The following NFIB variants were observed in gnomAD, a reference collection of about 807,000 sequenced individuals.
NFIB encodes the protein nuclear factor I B.
Under a neutral mutation model 61.5 loss-of-function variants are expected in NFIB, and 11 were observed. The ratio of observed to expected loss-of-function variants is 0.18; its 90% CI spans 0.11 to 0.30. NFIB has a LOEUF of 0.30. Ranked by LOEUF, NFIB falls within the 10% of genes least tolerant of loss-of-function variation. NFIB has a pLI of 1.00. For synonymous variants in NFIB, 260 were observed against 216.5 expected (o/e 1.20, Z -1.76); for missense variants, 471 against 608.9 (o/e 0.77, Z 2.38).
intron 2 of NFIB, among the ~76,000 whole-genome samples, chr9:14,189,625 T>C (rs964710760): frequency 1.3e-5 from 2 of 151,332 alleles, no homozygotes; most frequent in African/African-American, 2.4e-5. Flanking sequence ...CCCACCTACT[T>C]GGTTGCACTG....
the NFIB span, among the ~76,000 whole-genome samples, chr9:14,427,701 C>T: frequency 7.9e-5 from 12 of 151,872 alleles, no homozygotes; most frequent in Non-Finnish European, 1.2e-4. Context: ...ATGGATGGGA[C>T]GGGGAATGTG....
At chr9:14,237,360 C>T (rs1414428589) in intron 2 of NFIB, among the ~76,000 whole-genome samples, 1 of 152,204 alleles carries the variant, frequency 6.6e-6, no homozygotes, top group African/African-American at 2.4e-5. Flanking sequence ...TAGCCCTCTT[C>T]TCATCCATCT....
chr9:14,423,639 C>T, the NFIB span, among the ~76,000 whole-genome samples: 1 of 152,148 alleles, frequency 6.6e-6, no homozygotes, highest in Admixed American at 6.5e-5. Flanking sequence ...TCATCTATGT[C>T]CCTTGAGTTT....
At chr9:14,394,552 A>C (rs2061660504) in intron 1 of NFIB, among the ~76,000 whole-genome samples, 1 of 152,182 alleles carries the variant, frequency 6.6e-6, no homozygotes, top group African/African-American at 2.4e-5. Context: ...CATATTCACT[A>C]CCATAAGAAC....
intron 6 of NFIB, among the ~76,000 whole-genome samples, chr9:14,128,210 T>C (rs1214436892): frequency 1.3e-5 from 2 of 152,292 alleles, no homozygotes; most frequent in East Asian, 3.9e-4. Context: ...TTTCTTGTTA[T>C]AGATGATGCA....
At chr9:14,284,619 G>A (rs1316591838) in intron 2 of NFIB, among the ~76,000 whole-genome samples, 1 of 152,102 alleles carries the variant, frequency 6.6e-6, no homozygotes, top group African/African-American at 2.4e-5. Flanking sequence ...TACGTTCTTT[G>A]TTCATCTATT....
chr9:14,286,257 T>C (rs1289369885), intron 2 of NFIB, among the ~76,000 whole-genome samples: 2 of 152,222 alleles, frequency 1.3e-5, no homozygotes, highest in Non-Finnish European at 2.9e-5. Flanking sequence ...CAGTTCTTGC[T>C]TACTCACTTT....
chr9:14,443,025 A>ACCCCCCCCCCCCCCCCCCCCC, the NFIB span, among the ~76,000 whole-genome samples: 1 of 116,524 alleles, frequency 8.6e-6, no homozygotes, highest in African/African-American at 3.2e-5. Context: ...ATCTAACCCA[A>ACCCCCCCCCCCCCCCCCCCCC]CCCCCCACCC....
chr9:14,404,249 A>T, the NFIB span, among the ~76,000 whole-genome samples: 2 of 152,220 alleles, frequency 1.3e-5, no homozygotes, highest in Admixed American at 6.5e-5. Flanking sequence ...TGCAAGAAGG[A>T]ACAGAAGCAT....
Position 14,313,907 on chromosome 9 carries a change from G to A in NFIB, c.-396C>T. ...CGAAGGTTCGGTGTGGGTTGGATTG[G>A]GGTGGTGGTTGGTGGTAAAATGCTT... is the stretch of plus-strand genomic sequence containing the variant. On this transcript the variant is annotated 5_prime_UTR_variant, in exon 1 of 11. Transcript: ENST00000380953. The surrounding 1 kb of genome is among the most constrained non-coding windows in gnomAD (Gnocchi z 4.5). 9.3e-7 allele frequency: 1 copy of A among 1,071,566 alleles called. No homozygotes were observed. Among genetic ancestry groups the A allele is most frequent in the Non-Finnish European group, 1.1e-6 (1 of 884,596 alleles). The allele number at this position is 1,071,566 out of a possible 1,614,324, so 66.4% of individuals were successfully genotyped here. A position where few individuals can be genotyped will look rare whatever the true frequency, so the allele number is the denominator to read the frequency against.
the NFIB span, among the ~76,000 whole-genome samples, chr9:14,452,253 C>CA: frequency 6.6e-6 from 1 of 151,960 alleles, no homozygotes; most frequent in Admixed American, 6.6e-5. Flanking sequence ...TAAAATTCCC[C>CA]AAGCAGTTTT....
the NFIB span, among the ~76,000 whole-genome samples, chr9:14,520,945 G>T: frequency 6.6e-6 from 1 of 152,142 alleles, no homozygotes; most frequent in Non-Finnish European, 1.5e-5. Context: ...GAGGTTAAAT[G>T]GCTCGCTTAT....
chr9:14,285,258 G>C (rs1000379604), intron 2 of NFIB, among the ~76,000 whole-genome samples: 1 of 152,112 alleles, frequency 6.6e-6, no homozygotes, highest in African/African-American at 2.4e-5. Flanking sequence ...GAGTAGCTGG[G>C]ATTATAGGTG....
chr9:14,305,709 A>T (rs2059981975), intron 2 of NFIB: 1 of 215,886 alleles, frequency 4.6e-6, no homozygotes, highest in Non-Finnish European at 9.0e-6. Context: ...GACAAAAAGC[A>T]CATAGTGAGG....
At chr9:14,118,194 G>C (rs748162) in intron 8 of NFIB, among the ~76,000 whole-genome samples, 3,064 of 152,100 alleles carry the variant, frequency 0.02, 94 homozygotes, top group African/African-American at 0.07. Flanking sequence ...CTGGTTATCT[G>C]AACACTGGAA....
chr9:14,195,339 C>T lies in NFIB; in HGVS notation c.563-15559G>A, dbSNP rs2048361184. On this transcript the variant is annotated intron_variant, in intron 2 of 10. Coordinates refer to ENST00000380953, the MANE Select transcript of NFIB (RefSeq NM_001190737.2). Reference sequence around the variant, plus strand: ...CCTGTGGTGCTTTTAGGAAATAATGCTTGTCATTTTCCATCTTATTGACAA... The same window carrying T: ...CCTGTGGTGCTTTTAGGAAATAATGTTTGTCATTTTCCATCTTATTGACAA... 2.6e-5 allele frequency among the ~76,000 whole-genome samples: 4 copies of T among 152,090 alleles called. No individual in the cohort carries two copies. The South Asian group carries it at 6.2e-4, about 24-fold the overall frequency.
At chr9:14,367,680 C>G (rs1012825150) in intron 1 of NFIB, among the ~76,000 whole-genome samples, 3 of 152,082 alleles carry the variant, frequency 2.0e-5, no homozygotes, top group African/African-American at 7.2e-5. Context: ...ACATATACAC[C>G]ATGGAATACT....
the NFIB span, among the ~76,000 whole-genome samples, chr9:14,438,524 A>G: frequency 2.7e-4 from 41 of 152,348 alleles, no homozygotes; most frequent in African/African-American, 9.4e-4. Flanking sequence ...ATTCTATTTA[A>G]CCAAGTCAGA....
intron 1 of NFIB, among the ~76,000 whole-genome samples, chr9:14,335,215 T>G (rs1258089445): frequency 6.6e-6 from 1 of 152,238 alleles, no homozygotes; most frequent in African/African-American, 2.4e-5. Flanking sequence ...TGTCTGGGCA[T>G]ATGGCAGATA....
Sources: allele counts gnomAD v4.1 joint callset (sites outside exome capture counted in the v4.1 genomes callset), GRCh38; gene constraint gnomAD v4.1.1; non-coding constraint Gnocchi (gnomAD v3.1); transcripts MANE v1.5; gene names NCBI Gene and HGNC (gene_info 2026-07-23, HGNC 2026-07-21).